TSHZ2: variants seen among roughly 807,000 people sequenced by gnomAD.
The protein encoded by TSHZ2 is teashirt zinc finger homeobox 2.
Under a neutral mutation model 74.4 loss-of-function variants are expected in TSHZ2, and 21 were observed. That is an observed-to-expected ratio of 0.28 (90% confidence interval 0.20 to 0.41). The LOEUF (loss-of-function observed/expected upper bound fraction) is 0.41, where lower values mean the gene tolerates loss of function less well. TSHZ2 is among the 10% of genes least tolerant of loss of function. The pLI, the probability that TSHZ2 is intolerant of heterozygous loss-of-function variation, is 1.00. For missense variants in TSHZ2, 1,244 were observed against 1,293.5 expected, an observed-to-expected ratio of 0.96 and a Z score of 0.59; for synonymous variants, 540 against 515.3, an observed-to-expected ratio of 1.05 and a Z score of -0.65.
At position 53,490,929 on chromosome 20, in the gene TSHZ2, A is replaced by G. The variant is rs1206584690; in HGVS notation, c.*3794A>G. 6.6e-6 allele frequency: 1 copy of G among 152,212 alleles called. No individual in the cohort carries two copies. Among genetic ancestry groups the G allele is most frequent in the African/African-American group, 2.4e-5 (1 of 41,458 alleles). The allele number at this position is 152,212 out of a possible 1,614,324, so 9.4% of individuals were successfully genotyped here. A position where few individuals can be genotyped will look rare whatever the true frequency, so the allele number is the denominator to read the frequency against. On this transcript the variant is annotated 3_prime_UTR_variant, in exon 3 of 3. Coordinates refer to ENST00000371497, the MANE Select transcript of TSHZ2 (RefSeq NM_173485.6). The stretch of plus-strand genomic sequence containing the variant: ...CTGAAACTTTTCACAGTAAATCCAA[A>G]GATTACAGACCTTACAAGGTGCTTG...
At chr20:52,980,966 C>A (rs1981544364) in intron 1 of TSHZ2, among the ~76,000 whole-genome samples, 1 of 152,180 alleles carries the variant, frequency 6.6e-6, no homozygotes, top group South Asian at 2.1e-4. Context: ...TGAATAGCTT[C>A]TGGGCCAAGA....
Position 53,442,601 on chromosome 20 carries a change from A to G in TSHZ2, c.*9-44543A>G, listed in dbSNP as rs570540849. ...ATAGTCATCTGTCTGCGAACCCCCC[A>G]TCACTCTGAGAGATCGCTCATCGCT... On this transcript the variant is annotated intron_variant, in intron 2 of 2. Transcript: ENST00000371497. Among the ~76,000 whole-genome samples, 364 of 152,212 alleles carry G rather than the reference A, an allele frequency of 2.4e-3. 2 individuals carry two copies. The highest frequency in any genetic ancestry group is 8.3e-3 in the African/African-American group (343 of 41,526).
intron 1 of TSHZ2, among the ~76,000 whole-genome samples, chr20:53,195,408 T>C (rs1233656715): frequency 6.6e-6 from 1 of 152,138 alleles, no homozygotes; most frequent in Non-Finnish European, 1.5e-5. Flanking sequence ...AACAACTATA[T>C]TGGTGAAAGA....
At chr20:53,193,480 ATTTG>A (rs763365502) in intron 1 of TSHZ2, among the ~76,000 whole-genome samples, 15 of 150,944 alleles carry the variant, frequency 9.9e-5, no homozygotes, top group East Asian at 3.9e-4. Context: ...CATTCATCCT[ATTTG>A]TTCTCTCTTT....
intron 1 of TSHZ2, among the ~76,000 whole-genome samples, chr20:53,095,294 C>T (rs1383660985): frequency 1.3e-5 from 2 of 152,128 alleles, no homozygotes; most frequent in Non-Finnish European, 2.9e-5. Context: ...AGAGTAAGTC[C>T]ACCGTCACAG....
rs1368192791 is a variant in TSHZ2, at chr20:53,436,539, A to ATTTTTTTTTT, written c.*9-50603_*9-50602insTTTTTTTTTT. Among the ~76,000 whole-genome samples, 17 of 89,976 alleles carry ATTTTTTTTTT rather than the reference A, an allele frequency of 1.9e-4. 2 individuals carry two copies. Among genetic ancestry groups the ATTTTTTTTTT allele is most frequent in the South Asian group, 4.1e-4 (1 of 2,462 alleles). 59.0% of individuals were successfully genotyped at this position (89,976 alleles called of 152,430 possible). On this transcript the variant is annotated intron_variant, in intron 2 of 2. Transcript: ENST00000371497. ...ATTTTATTTATTTATTATTATTATT[A>ATTTTTTTTTT]TTATTATTATTTTTTTTTTTTTTTT...
At chr20:53,374,155 C>T (rs1329452591) in intron 2 of TSHZ2, among the ~76,000 whole-genome samples, 4 of 152,188 alleles carry the variant, frequency 2.6e-5, no homozygotes, top group African/African-American at 9.7e-5. Flanking sequence ...CCTTCACCCT[C>T]CAGTAGGCCT....
At chr20:53,030,556 T>C (rs1161276406) in intron 1 of TSHZ2, among the ~76,000 whole-genome samples, 2 of 152,210 alleles carry the variant, frequency 1.3e-5, no homozygotes, top group African/African-American at 4.8e-5. Context: ...CCCTTTATAA[T>C]GAGGGCATCA....
chr20:53,321,697 A>AAAAAG (rs1555850300), intron 2 of TSHZ2, among the ~76,000 whole-genome samples: 1 of 140,550 alleles, frequency 7.1e-6, no homozygotes, highest in Non-Finnish European at 1.5e-5. Context: ...AAAAAAAAAA[A>AAAAAG]AAAGAAAGAC....
intron 2 of TSHZ2, among the ~76,000 whole-genome samples, chr20:53,277,403 G>A (rs575172976): frequency 1.8e-4 from 27 of 151,720 alleles, no homozygotes; most frequent in African/African-American, 6.0e-4. Flanking sequence ...TTGTTTCTTT[G>A]CTTCTCTACT....
At chr20:53,032,213 G>A (rs941368528) in intron 1 of TSHZ2, among the ~76,000 whole-genome samples, 7 of 152,164 alleles carry the variant, frequency 4.6e-5, no homozygotes, top group Admixed American at 1.3e-4. Context: ...ATTGCTTTGC[G>A]TCTCTATTTA....
intron 1 of TSHZ2, among the ~76,000 whole-genome samples, chr20:53,149,803 G>A (rs1038495570): frequency 6.6e-6 from 1 of 152,152 alleles, no homozygotes; most frequent in Non-Finnish European, 1.5e-5. Context: ...CTGCTGGCAG[G>A]CTCCTTCTCC....
chr20:53,308,277 A>G (rs1824534255), intron 2 of TSHZ2, among the ~76,000 whole-genome samples: 1 of 152,118 alleles, frequency 6.6e-6, no homozygotes. Flanking sequence ...TCTTTCTTTG[A>G]CCTCAAAAGG....
intron 1 of TSHZ2, among the ~76,000 whole-genome samples, chr20:53,143,741 T>G (rs1600710453): frequency 6.6e-6 from 1 of 152,098 alleles, no homozygotes; most frequent in African/African-American, 2.4e-5. Context: ...TGTAATAATC[T>G]TGACTTAGAG....
intron 1 of TSHZ2, among the ~76,000 whole-genome samples, chr20:53,045,408 G>A (rs956121970): frequency 6.6e-6 from 1 of 152,228 alleles, no homozygotes; most frequent in Non-Finnish European, 1.5e-5. Flanking sequence ...CTGGTAGTTG[G>A]TGTAAACATC....
At chr20:53,453,589 T>G (rs80303678) in intron 2 of TSHZ2, among the ~76,000 whole-genome samples, 3,309 of 152,300 alleles carry the variant, frequency 0.022, 48 homozygotes, top group Non-Finnish European at 0.032. Flanking sequence ...GTATCTTAAT[T>G]TAAAACCAGG....
At chr20:53,066,527 T>G (rs928566653) in intron 1 of TSHZ2, among the ~76,000 whole-genome samples, 12 of 152,100 alleles carry the variant, frequency 7.9e-5, no homozygotes, top group Non-Finnish European at 1.6e-4. Context: ...CTTTGTTTGT[T>G]TGTTTGTTCT....
At chr20:53,008,935 TATAATA>T (rs952771006) in intron 1 of TSHZ2, among the ~76,000 whole-genome samples, 19 of 151,520 alleles carry the variant, frequency 1.3e-4, no homozygotes, top group Non-Finnish European at 2.2e-4. Context: ...ATAGAACAAT[TATAATA>T]ATATACTCTA....
chr20:53,224,592 G>A (rs1038941974), intron 1 of TSHZ2, among the ~76,000 whole-genome samples: 3 of 152,188 alleles, frequency 2.0e-5, no homozygotes, highest in African/African-American at 7.2e-5. Flanking sequence ...ACTCATGCCT[G>A]TAATCCCAGC....
Sources: allele counts gnomAD v4.1 joint callset (sites outside exome capture counted in the v4.1 genomes callset), GRCh38; gene constraint gnomAD v4.1.1; transcripts MANE v1.5; gene names NCBI Gene and HGNC (gene_info 2026-07-23, HGNC 2026-07-21).